CCDC146: variants seen among roughly 807,000 people sequenced by gnomAD.
CCDC146 encodes the protein coiled-coil domain-containing protein 146.
Under a neutral mutation model 119.3 loss-of-function variants are expected in CCDC146, and 92 were observed. The observed-to-expected ratio is 0.77, with a 90% confidence interval of 0.65 to 0.92. The LOEUF (loss-of-function observed/expected upper bound fraction) is 0.92, where lower values mean the gene tolerates loss of function less well. CCDC146 is among the 40% of genes least tolerant of loss of function. The pLI is 0.00. For synonymous variants in CCDC146, 372 were observed against 371.8 expected (o/e 1.00, Z -0.01); for missense variants, 1,000 against 1,103.0 (o/e 0.91, Z 1.32).
intron 4 of CCDC146, among the ~76,000 whole-genome samples, chr7:77,245,870 TA>T (rs35387327): frequency 0.68 from 99,563 of 147,424 alleles, 36,881 homozygotes; most frequent in Non-Finnish European, 0.86. Context: ...TACCTTAACT[TA>T]AAAAAAAAAA....
At chr7:77,289,349 C>T (rs888357014) in intron 17 of CCDC146, among the ~76,000 whole-genome samples, 2 of 152,170 alleles carry the variant, frequency 1.3e-5, no homozygotes, top group African/African-American at 2.4e-5. Context: ...CCAGCACAGC[C>T]GAGTCCTAGT....
chr7:77,199,283 T>A (rs774158090), intron 2 of CCDC146: 4 of 1,614,002 alleles, frequency 2.5e-6, no homozygotes, highest in Non-Finnish European at 2.5e-6. Context: ...TCAACATAAT[T>A]TTCTATGTTG....
chr7:77,270,718 G>A (rs1369761325), intron 9 of CCDC146, among the ~76,000 whole-genome samples: 7 of 152,154 alleles, frequency 4.6e-5, no homozygotes, highest in African/African-American at 1.7e-4. Context: ...AATAAAAAGA[G>A]CACAGGTAGG....
At chr7:77,163,649 T>C (rs1481384885) in intron 1 of CCDC146, among the ~76,000 whole-genome samples, 2 of 152,004 alleles carry the variant, frequency 1.3e-5, no homozygotes, top group Non-Finnish European at 2.9e-5. Flanking sequence ...TCCTATAAAG[T>C]TCTTTAGGAT....
Position 77,265,008 on chromosome 7 carries a change from C to A in CCDC146, c.1173+2701C>A, listed in dbSNP as rs529624978. ...TTTAACTTTACTAACCTTTGCAACT[C>A]TTATGCCCTCAAACATATTTTCACT... On this transcript the variant is annotated intron_variant, in intron 9 of 18. Transcript: ENST00000285871. 4.6e-5 allele frequency among the ~76,000 whole-genome samples: 7 copies of A among 152,316 alleles called. 1 individual carries two copies. The South Asian group carries it at 1.2e-3, about 27-fold the overall frequency.
intron 2 of CCDC146, among the ~76,000 whole-genome samples, chr7:77,216,985 T>C (rs550942770): frequency 2.0e-5 from 3 of 152,278 alleles, no homozygotes; most frequent in African/African-American, 7.2e-5. Flanking sequence ...CTACAGTGTG[T>C]GTTTTATTGT....
chr7:77,154,178 C>A (rs1001960399), intron 1 of CCDC146, among the ~76,000 whole-genome samples: 1 of 151,760 alleles, frequency 6.6e-6, no homozygotes, highest in Admixed American at 6.6e-5. Context: ...ATGTGCTGTA[C>A]GAGATAATTT....
At chr7:77,193,648 A>G (rs1471027693) in intron 2 of CCDC146, 6 of 152,170 alleles carry the variant, frequency 3.9e-5, no homozygotes, top group Admixed American at 3.9e-4. Flanking sequence ...CAGATGTGTC[A>G]TTAATTCATT....
At chr7:77,253,491 A>G (rs962135144) in intron 4 of CCDC146, among the ~76,000 whole-genome samples, 1 of 152,216 alleles carries the variant, frequency 6.6e-6, no homozygotes, top group African/African-American at 2.4e-5. Flanking sequence ...ATCTATTTCC[A>G]TATGCATGCC....
At chr7:77,131,625 G>C (rs1790786765) in intron 1 of CCDC146, among the ~76,000 whole-genome samples, 1 of 152,230 alleles carries the variant, frequency 6.6e-6, no homozygotes. Context: ...GGCTGAGGCA[G>C]GAGGATCCCT....
intron 2 of CCDC146, among the ~76,000 whole-genome samples, chr7:77,212,149 C>A (rs1024653481): frequency 6.6e-6 from 1 of 151,870 alleles, no homozygotes; most frequent in Non-Finnish European, 1.5e-5. Flanking sequence ...GACATAAATG[C>A]CTACATAAAA....
intron 2 of CCDC146, chr7:77,199,503 T>A (rs1407450399): frequency 6.8e-6 from 11 of 1,614,032 alleles, no homozygotes; most frequent in Non-Finnish European, 9.3e-6. Flanking sequence ...GCTTGCAGTC[T>A]TGGCAAGATT....
intron 2 of CCDC146, among the ~76,000 whole-genome samples, chr7:77,185,983 C>A (rs534587582): frequency 2.6e-5 from 4 of 152,252 alleles, no homozygotes; most frequent in South Asian, 2.1e-4. Flanking sequence ...ATCCAAAGGG[C>A]AGGCAATAAC....
chr7:77,238,773 C>T (rs1321476866), intron 3 of CCDC146, among the ~76,000 whole-genome samples: 1 of 152,118 alleles, frequency 6.6e-6, no homozygotes, highest in Non-Finnish European at 1.5e-5. Context: ...GACTTAACTT[C>T]CTCCTCCCCT....
intron 15 of CCDC146, among the ~76,000 whole-genome samples, chr7:77,283,735 C>T (rs1199141694): frequency 1.3e-5 from 2 of 151,744 alleles, no homozygotes; most frequent in African/African-American, 4.8e-5. Context: ...GTTTTAGATC[C>T]CCCTTTTTTT....
At chr7:77,275,679 G>T (rs1793621749) in intron 11 of CCDC146, among the ~76,000 whole-genome samples, 2 of 152,116 alleles carry the variant, frequency 1.3e-5, no homozygotes, top group Admixed American at 6.5e-5. Context: ...TTAATCGAAT[G>T]CCAGATACCC....
intron 1 of CCDC146, among the ~76,000 whole-genome samples, chr7:77,152,699 G>A (rs1409889994): frequency 6.6e-6 from 1 of 152,122 alleles, no homozygotes; most frequent in Non-Finnish European, 1.5e-5. Flanking sequence ...CTAAAGGAGT[G>A]CTCTGGGACA....
intron 2 of CCDC146, among the ~76,000 whole-genome samples, chr7:77,185,654 A>G (rs189389070): frequency 6.6e-5 from 10 of 152,344 alleles, no homozygotes; most frequent in Admixed American, 3.9e-4. Flanking sequence ...TGCGAAGACT[A>G]CAATAAATAC....
At chr7:77,253,743 G>A (rs1360995220) in intron 4 of CCDC146, among the ~76,000 whole-genome samples, 1 of 152,188 alleles carries the variant, frequency 6.6e-6, no homozygotes, top group Non-Finnish European at 1.5e-5. Flanking sequence ...AGAGTTTTGA[G>A]GACTATTGGT....
Sources: allele counts gnomAD v4.1 joint callset (sites outside exome capture counted in the v4.1 genomes callset), GRCh38; gene constraint gnomAD v4.1.1; transcripts MANE v1.5; gene names NCBI Gene and HGNC (gene_info 2026-07-23, HGNC 2026-07-21).